SLC24A2: variants seen among roughly 807,000 people sequenced by gnomAD.
The protein encoded by SLC24A2 is sodium/potassium/calcium exchanger 2.
A neutral mutation model predicts 62.0 loss-of-function variants in SLC24A2; 36 were observed. The ratio of observed to expected loss-of-function variants is 0.58; its 90% CI spans 0.44 to 0.77. The LOEUF (loss-of-function observed/expected upper bound fraction) is 0.77, where lower values mean the gene tolerates loss of function less well. Ranked by LOEUF, SLC24A2 falls within the 30% of genes least tolerant of loss-of-function variation. The pLI is 0.00. For missense variants in SLC24A2, 846 were observed against 817.9 expected, an observed-to-expected ratio of 1.03 and a Z score of -0.42; for synonymous variants, 358 against 294.0, an observed-to-expected ratio of 1.22 and a Z score of -2.23.
At chr9:19,649,338 C>T (rs1288889467) in intron 2 of SLC24A2, among the ~76,000 whole-genome samples, 3 of 151,782 alleles carry the variant, frequency 2.0e-5, no homozygotes, top group Non-Finnish European at 2.9e-5. Context: ...TAGCTTGAAT[C>T]GTTACACACA....
intron 2 of SLC24A2, among the ~76,000 whole-genome samples, chr9:19,713,293 A>G (rs1820766562): frequency 6.6e-6 from 1 of 152,156 alleles, no homozygotes. Context: ...GCATTCTGGG[A>G]GAATGGACAC....
chr9:20,266,263 C>A, the SLC24A2 span, among the ~76,000 whole-genome samples: 1 of 152,178 alleles, frequency 6.6e-6, no homozygotes, highest in Non-Finnish European at 1.5e-5. Flanking sequence ...ATCACGGAAC[C>A]TACTGACATG....
chr9:20,193,432 AC>A, the SLC24A2 span, among the ~76,000 whole-genome samples: 1 of 152,028 alleles, frequency 6.6e-6, no homozygotes, highest in African/African-American at 2.4e-5. Context: ...AGCTCACACC[AC>A]CCAAAAGAAA....
chr9:19,763,455 G>A, intron 2 of SLC24A2, among the ~76,000 whole-genome samples: 1 of 152,166 alleles, frequency 6.6e-6, no homozygotes, highest in African/African-American at 2.4e-5. Context: ...CTGTGAGTTT[G>A]TCATAAATAG....
chr9:19,556,924 T>C (rs1290265352), intron 7 of SLC24A2, among the ~76,000 whole-genome samples: 3 of 152,206 alleles, frequency 2.0e-5, no homozygotes, highest in South Asian at 2.1e-4. Flanking sequence ...TGGACAATAA[T>C]AGATCACAAC....
intron 2 of SLC24A2, among the ~76,000 whole-genome samples, chr9:19,724,544 C>G (rs1000224324): frequency 2.0e-5 from 3 of 152,126 alleles, no homozygotes; most frequent in African/African-American, 7.2e-5. Context: ...GGAGGAGACC[C>G]TGCTAAAAGC....
the SLC24A2 span, among the ~76,000 whole-genome samples, chr9:20,072,835 G>A: frequency 6.6e-6 from 1 of 152,190 alleles, no homozygotes; most frequent in South Asian, 2.1e-4. Flanking sequence ...GCCTTCAGAA[G>A]GAAGCAGACC....
intron 10 of SLC24A2, among the ~76,000 whole-genome samples, chr9:19,519,420 T>C (rs1205031051): frequency 6.6e-6 from 1 of 152,036 alleles, no homozygotes; most frequent in East Asian, 1.9e-4. Context: ...ATTTTGTAAT[T>C]CTTCATAATA....
At chr9:20,104,024 G>C in the SLC24A2 span, among the ~76,000 whole-genome samples, 1 of 152,164 alleles carries the variant, frequency 6.6e-6, no homozygotes, top group Admixed American at 6.5e-5. Flanking sequence ...GGAGCTGAAA[G>C]CCAAGGCTCA....
At chr9:20,088,341 C>A in the SLC24A2 span, among the ~76,000 whole-genome samples, 1 of 152,164 alleles carries the variant, frequency 6.6e-6, no homozygotes, top group Non-Finnish European at 1.5e-5. Context: ...TGTTTTGCAG[C>A]CTTAGCCGTT....
At chr9:20,174,112 T>G in the SLC24A2 span, among the ~76,000 whole-genome samples, 1 of 152,074 alleles carries the variant, frequency 6.6e-6, no homozygotes, top group African/African-American at 2.4e-5. Flanking sequence ...GGACATCCTA[T>G]TCAACAAATG....
At chr9:19,718,292 T>TC (rs1820921004) in intron 2 of SLC24A2, among the ~76,000 whole-genome samples, 1 of 123,334 alleles carries the variant, frequency 8.1e-6, no homozygotes, top group African/African-American at 3.2e-5. Flanking sequence ...CACTTTTTTT[T>TC]TTTTTTTTTT....
At chr9:19,548,651 C>A (rs1391575942) in intron 8 of SLC24A2, among the ~76,000 whole-genome samples, 1 of 152,168 alleles carries the variant, frequency 6.6e-6, no homozygotes, top group Non-Finnish European at 1.5e-5. Flanking sequence ...CAACAGGAAT[C>A]AATCAAGGCA....
At chr9:19,798,166 A>G in the SLC24A2 span, among the ~76,000 whole-genome samples, 1 of 152,052 alleles carries the variant, frequency 6.6e-6, no homozygotes, top group Admixed American at 6.6e-5. Flanking sequence ...TTTATCTAAA[A>G]TTTGTCATCT....
At chr9:19,995,671 A>C in the SLC24A2 span, among the ~76,000 whole-genome samples, 2 of 152,254 alleles carry the variant, frequency 1.3e-5, no homozygotes, top group Non-Finnish European at 2.9e-5. Flanking sequence ...ATTCTGCTAT[A>C]ATCTTTACTG....
chr9:20,105,122 G>T, the SLC24A2 span, among the ~76,000 whole-genome samples: 4 of 152,302 alleles, frequency 2.6e-5, no homozygotes, highest in South Asian at 6.2e-4. Flanking sequence ...TAATGGTAAA[G>T]GGATCAATTC....
the SLC24A2 span, among the ~76,000 whole-genome samples, chr9:19,956,617 G>C: frequency 6.6e-6 from 1 of 152,196 alleles, no homozygotes; most frequent in Non-Finnish European, 1.5e-5. Context: ...AGGCAAGAGA[G>C]AGAGCTTGTG....
chr9:19,946,407 T>G, the SLC24A2 span, among the ~76,000 whole-genome samples: 3 of 152,204 alleles, frequency 2.0e-5, no homozygotes, highest in African/African-American at 7.2e-5. Context: ...TAGTGTCCCA[T>G]CTGAGGAGCT....
chr9:20,307,881 A>C, the SLC24A2 span, among the ~76,000 whole-genome samples: 3 of 152,100 alleles, frequency 2.0e-5, no homozygotes, highest in Non-Finnish European at 4.4e-5. Context: ...TTTGACTACA[A>C]GATTTACCAG....
Sources: gnomAD v4.1 joint callset for allele counts (sites outside exome capture counted in the v4.1 genomes callset) on GRCh38, gnomAD v4.1.1 for gene constraint, MANE v1.5 for transcripts, NCBI Gene and HGNC (gene_info 2026-07-23, HGNC 2026-07-21) for gene names.